PIGG: variants seen among roughly 807,000 people sequenced by gnomAD.
The protein encoded by PIGG is GPI ethanolamine phosphate transferase 2, catalytic subunit.
In PIGG, 70 loss-of-function variants were observed where a neutral mutation model predicts 83.2. That is an observed-to-expected ratio of 0.84 (90% CI 0.69 to 1.03). PIGG has a LOEUF of 1.03. Among genes scored for constraint, PIGG ranks in the 50% least tolerant of loss-of-function variants. The probability of loss-of-function intolerance (pLI) is 0.00; values close to 1 mark genes in which losing one functional copy is unlikely to be tolerated. For missense variants in PIGG, 1,257 were observed against 1,233.6 expected (o/e 1.02, Z -0.28); for synonymous variants, 532 against 519.5 (o/e 1.02, Z -0.33).
At chr4:519,630 G>A (rs944287119) in intron 6 of PIGG, among the ~76,000 whole-genome samples, 2 of 152,244 alleles carry the variant, frequency 1.3e-5, no homozygotes, top group African/African-American at 2.4e-5. Context: ...TGAAACGAGC[G>A]AGCCGCCTAG....
chr4:521,862 T>C lies in PIGG; in HGVS notation c.1535T>C (p.Met512Thr). The change falls in exon 8 of 13, where the codon ATG (methionine) becomes ACG (threonine). Residue 512 changes from methionine to threonine, a missense_variant. By Grantham distance (81) the Met-to-Thr change is moderately conservative (BLOSUM62 -1). Coordinates refer to ENST00000453061, the MANE Select transcript of PIGG (RefSeq NM_001127178.3). ...TCGTGGCTGGCGGCAGGTGGGGTGA[T>C]GGTGCTGGCCTCGGCGCTGCTGTGT... is the stretch of plus-strand genomic sequence containing the variant. ...GLSWLAAGGV[M>T]VLASALLCVI... 6.2e-7 allele frequency: 1 copy of C among 1,614,178 alleles called. No individual in the cohort carries two copies. Among genetic ancestry groups the C allele is most frequent in the Non-Finnish European group, 8.5e-7 (1 of 1,180,014 alleles).
intron 11 of PIGG, chr4:531,741 C>T (rs1729108612): frequency 6.6e-6 from 1 of 152,562 alleles, no homozygotes; most frequent in Non-Finnish European, 1.5e-5. Context: ...TAGCCCCGTC[C>T]TGGTGCTTCC....
intron 2 of PIGG, among the ~76,000 whole-genome samples, chr4:505,154 A>C (rs1719148968): frequency 6.6e-6 from 1 of 152,078 alleles, no homozygotes. Flanking sequence ...CTACATCGCA[A>C]ACCCATAGCT....
intron 10 of PIGG, among the ~76,000 whole-genome samples, chr4:529,946 G>A (rs559483909): frequency 4.6e-5 from 7 of 152,220 alleles, no homozygotes; most frequent in African/African-American, 1.7e-4. Flanking sequence ...CTGTGAATGT[G>A]CAGGTGCTTA....
Position 533,934 on chromosome 4 carries a change from G to T in PIGG, c.2688G>T (p.Val896=). The T allele has an allele frequency of 6.2e-7, 1 of 1,614,216 alleles. No homozygotes were observed. Among genetic ancestry groups the T allele is most frequent in the Non-Finnish European group, 8.5e-7 (1 of 1,180,030 alleles). ...LTAFGTYAGP[V]LWASHLVHFL... is the part of the protein sequence containing the mutation. The stretch of plus-strand genomic sequence containing the variant: ...CGTTTGGGACGTACGCAGGGCCTGT[G>T]CTGTGGGCCAGCCACTTAGTGCACT... The change falls in exon 12 of 13, where the codon GTG becomes GTT. Residue 896 remains valine, a synonymous_variant. Coordinates refer to ENST00000453061, the MANE Select transcript of PIGG (RefSeq NM_001127178.3).
chr4:523,326 G>A, intron 8 of PIGG, 133 bp from the exon 9 acceptor site: 1 of 716,436 alleles, frequency 1.4e-6, no homozygotes, highest in Middle Eastern at 3.2e-4. Flanking sequence ...CCAGAGTAGG[G>A]GCCCAGGTGC....
At chr4:501,042 T>C (rs1553875552) in intron 2 of PIGG, 1 of 437,090 alleles carries the variant, frequency 2.3e-6, no homozygotes, top group East Asian at 7.0e-5. Context: ...GTATACATAA[T>C]GATCAAATCA....
chr4:505,649 A>AAAAAAAC, intron 2 of PIGG, 69 bp from the exon 3 acceptor site: 3 of 1,104,414 alleles, frequency 2.7e-6, no homozygotes, highest in Non-Finnish European at 2.7e-6. Flanking sequence ...AAAAAAAAAA[A>AAAAAAAC]TCTTCAGTGC....
At chr4:531,822 G>A (rs11248024) in intron 11 of PIGG, 15,857 of 152,526 alleles carry the variant, frequency 0.1, 1,543 homozygotes, top group African/African-American at 0.26. Flanking sequence ...CCATGTCCAC[G>A]CAAGGCACAA....
intron 10 of PIGG, chr4:527,707 C>T (rs1284129340): frequency 4.1e-6 from 4 of 985,120 alleles, no homozygotes; most frequent in Non-Finnish European, 4.8e-6. Flanking sequence ...TTATAACGAG[C>T]CCCCGTAAGG....
At chr4:530,319 C>T in intron 10 of PIGG, 117 bp from the exon 11 acceptor site, 1 of 725,646 alleles carries the variant, frequency 1.4e-6, no homozygotes, top group South Asian at 1.8e-5. Context: ...CTCCTTTAGT[C>T]AGCAGTGCTG....
At position 539,272 on chromosome 4, in the gene PIGG, C is replaced by A. The variant is rs771029282; in HGVS notation, c.2855C>A (p.Ser952Tyr). 1 of 1,613,216 alleles carries A rather than the reference C, an allele frequency of 6.2e-7. No homozygotes were observed. The highest frequency in any genetic ancestry group is 1.1e-5 in the South Asian group (1 of 91,066). The change falls in exon 13 of 13, where the codon TCT becomes TAT. Residue 952 changes from serine to tyrosine, a missense_variant. Coordinates refer to ENST00000453061, the MANE Select transcript of PIGG (RefSeq NM_001127178.3). ...CATTTATTTATATGGAGTGTATTTT[C>A]TCCAAAACTTCTCTACGAGGGAATG... ...RYHLFIWSVF[S>Y]PKLLYEGMHL... is the part of the protein sequence containing the mutation.
rs116050627 is a variant in PIGG, at chr4:515,222, G to A, written c.902-751G>A. On this transcript the variant is annotated intron_variant, in intron 5 of 12. Coordinates refer to ENST00000453061, the MANE Select transcript of PIGG (RefSeq NM_001127178.3). The surrounding 1 kb of genome is among the most constrained non-coding windows in gnomAD (Gnocchi z 4.2). ...GCCGGTGTACGTTGAATTCCAGGGT[G>A]TGGAGCTGTTTGCTGTCTTTACAGA... is the stretch of plus-strand genomic sequence containing the variant. 6.8e-4 allele frequency among the ~76,000 whole-genome samples: 103 copies of A among 152,388 alleles called. No individual in the cohort carries two copies. Among genetic ancestry groups the A allele is most frequent in the African/African-American group, 2.3e-3 (96 of 41,592 alleles).
rs768035934 is a variant in PIGG at position 533,834 on chromosome 4, T to A, written c.2588T>A (p.Ile863Asn). The A allele has an allele frequency of 6.8e-6, 11 of 1,614,180 alleles. No homozygotes were observed. In the South Asian group the frequency reaches 1.2e-4, roughly 18 times the overall value. ...GTATTCCAGGGCAACTCCAACAACA[T>A]TGCCACCGTGGACATCTCCGCAGGC... ...FFYFQGNSNN[I>N]ATVDISAGFV... is the part of the protein sequence containing the mutation. The change falls in exon 12 of 13, where the codon ATT becomes AAT. Residue 863 changes from isoleucine to asparagine, a missense_variant. Physicochemically the swap from Ile to Asn is moderately radical, Grantham distance 149 (BLOSUM62 -3). Transcript: ENST00000453061.
At chr4:518,497 G>A (rs912465754) in intron 6 of PIGG, among the ~76,000 whole-genome samples, 8 of 152,210 alleles carry the variant, frequency 5.3e-5, no homozygotes, top group Non-Finnish European at 7.3e-5. Flanking sequence ...GGAGGCTGAG[G>A]CAGGAGAATG....
intron 5 of PIGG, among the ~76,000 whole-genome samples, chr4:511,166 G>A (rs75555959): frequency 0.1 from 15,355 of 152,008 alleles, 934 homozygotes; most frequent in East Asian, 0.18. Context: ...GGTGGCGCAT[G>A]CCTGTAACCC....
chr4:533,854 G>T lies in PIGG; in HGVS notation c.2608G>T (p.Ala870Ser). 1 of 1,614,168 alleles carries T rather than the reference G, an allele frequency of 6.2e-7. No individual in the cohort carries two copies. Among genetic ancestry groups the T allele is most frequent in the South Asian group, 1.1e-5 (1 of 91,084 alleles). ...SNNIATVDIS[A>S]GFVGLDTYVE... ...CAACATTGCCACCGTGGACATCTCC[G>T]CAGGCTTCGTGGGCTTAGACACCTA... The change falls in exon 12 of 13, where the codon GCA becomes TCA. Residue 870 changes from alanine (A) to serine (S), a missense_variant. Ala to Ser is a moderately conservative substitution (Grantham distance 99). Transcript: ENST00000453061.
intron 8 of PIGG, 24 bp from the exon 9 acceptor site, chr4:523,435 C>T: frequency 6.5e-7 from 1 of 1,541,842 alleles, no homozygotes. Context: ...CCGTCTCTTA[C>T]AAAGTGCACT....
chr4:520,094 G>T (rs1560326566), intron 6 of PIGG, among the ~76,000 whole-genome samples: 1 of 152,242 alleles, frequency 6.6e-6, no homozygotes, highest in Non-Finnish European at 1.5e-5. Flanking sequence ...GACCTCAGTG[G>T]CTTGAGCGCC....
Sources: allele counts gnomAD v4.1 joint callset (sites outside exome capture counted in the v4.1 genomes callset), GRCh38; gene constraint gnomAD v4.1.1; non-coding constraint Gnocchi (gnomAD v3.1); transcripts MANE v1.5; gene names NCBI Gene and HGNC (gene_info 2026-07-23, HGNC 2026-07-21).